SYT10: variants seen among roughly 807,000 people sequenced by gnomAD.
SYT10 encodes synaptotagmin-10.
Under a neutral mutation model 51.1 loss-of-function variants are expected in SYT10, and 31 were observed. That is an observed-to-expected ratio of 0.61 (90% CI 0.46 to 0.82). The LOEUF (loss-of-function observed/expected upper bound fraction) is 0.82, where lower values mean the gene tolerates loss of function less well. Among genes scored for constraint, SYT10 ranks in the 40% least tolerant of loss-of-function variants. SYT10 has a pLI of 0.00. For synonymous variants in SYT10, 233 were observed against 225.9 expected, an observed-to-expected ratio of 1.03 and a Z score of -0.28; for missense variants, 603 against 634.0, an observed-to-expected ratio of 0.95 and a Z score of 0.53.
At chr12:33,396,905 T>C (rs1866261248) in intron 3 of SYT10, among the ~76,000 whole-genome samples, 1 of 152,172 alleles carries the variant, frequency 6.6e-6, no homozygotes, top group Admixed American at 6.5e-5. Context: ...CCCAAAGTGC[T>C]GGGATTACAG....
At chr12:33,404,224 C>T (rs1866331934) in intron 3 of SYT10, among the ~76,000 whole-genome samples, 1 of 151,974 alleles carries the variant, frequency 6.6e-6, no homozygotes, top group Non-Finnish European at 1.5e-5. Flanking sequence ...GGAGATTTTC[C>T]TAGATTACCC....
chr12:33,423,886 AT>A (rs1299944676), intron 2 of SYT10: 5 of 453,120 alleles, frequency 1.1e-5, no homozygotes, highest in African/African-American at 8.0e-5. Context: ...CTCACATGTC[AT>A]GGGGATAATT....
chr12:33,381,927 G>A (rs1866118658), intron 5 of SYT10, among the ~76,000 whole-genome samples: 1 of 152,126 alleles, frequency 6.6e-6, no homozygotes, highest in African/African-American at 2.4e-5. Flanking sequence ...TTTTACAAAT[G>A]GGAAAAGTGA....
At chr12:33,416,142 G>A (rs1341671508) in intron 2 of SYT10, among the ~76,000 whole-genome samples, 1 of 131,286 alleles carries the variant, frequency 7.6e-6, no homozygotes, top group African/African-American at 2.8e-5. Context: ...GTGCAGTGGT[G>A]TGATCTCAGC....
intron 2 of SYT10, among the ~76,000 whole-genome samples, chr12:33,408,792 C>T (rs2138417294): frequency 6.7e-6 from 1 of 149,850 alleles, no homozygotes; most frequent in South Asian, 2.1e-4. Context: ...CAAATCGGTT[C>T]TTTATCCCAC....
At chr12:33,389,318 T>C (rs1235557433) in intron 3 of SYT10, among the ~76,000 whole-genome samples, 3 of 152,156 alleles carry the variant, frequency 2.0e-5, no homozygotes, top group Admixed American at 1.3e-4. Flanking sequence ...TTCCACGTTC[T>C]ATTCCCAAGC....
chr12:33,392,076 C>T, intron 3 of SYT10, among the ~76,000 whole-genome samples: 1 of 152,194 alleles, frequency 6.6e-6, no homozygotes. Flanking sequence ...AAGATACATG[C>T]AAGGTTTGGA....
rs1866668159 is a variant in SYT10 at position 33,439,612 on chromosome 12, A to G, written c.-90T>C. On this transcript the variant is annotated 5_prime_UTR_variant, in exon 1 of 7. The change abolishes an upstream ATG in the 5' untranslated region. Transcript: ENST00000228567. ...TCTAACCCCTCTGGCGCCCTAAGCC[A>G]TAGTCCGCCCGCGGTGACTTTGGCT... The G allele has an allele frequency of 6.8e-7, 1 of 1,465,798 alleles. No homozygotes were observed. 90.8% of individuals were successfully genotyped at this position (1,465,798 alleles called of 1,614,324 possible).
Position 33,374,969 on chromosome 12 carries a change from TTA to T in SYT10, c.*1859_*1860del, listed in dbSNP as rs1866050421. Reference sequence around the variant, plus strand: ...AACTGTCTCCAAAAATGTCATTCTATTAATAGTATAACTTTTTGTCTTCCTAT... The same window carrying T: ...AACTGTCTCCAAAAATGTCATTCTATATAGTATAACTTTTTGTCTTCCTAT... On this transcript the variant is annotated 3_prime_UTR_variant, in exon 7 of 7. Coordinates refer to ENST00000228567, the MANE Select transcript of SYT10 (RefSeq NM_198992.4). The T allele has an allele frequency of 2.0e-5, 3 of 152,048 alleles. No homozygotes were observed. Among genetic ancestry groups the T allele is most frequent in the Admixed American group, 1.3e-4 (2 of 15,250 alleles). 9.4% of individuals were successfully genotyped at this position (152,048 alleles called of 1,614,324 possible).
At chr12:33,438,872 A>G (rs1361718482) in intron 1 of SYT10, among the ~76,000 whole-genome samples, 5 of 152,240 alleles carry the variant, frequency 3.3e-5, no homozygotes, top group African/African-American at 9.6e-5. Flanking sequence ...CAAGGCAGCC[A>G]CCTCTGCAAG....
intron 1 of SYT10, among the ~76,000 whole-genome samples, chr12:33,433,155 T>C (rs1866610484): frequency 1.3e-5 from 2 of 152,156 alleles, no homozygotes; most frequent in South Asian, 4.1e-4. Flanking sequence ...GTGTTAGATA[T>C]TCCACCAACA....
intron 3 of SYT10, 109 bp from the exon 4 acceptor site, chr12:33,385,400 A>G: frequency 1.4e-6 from 2 of 1,413,316 alleles, no homozygotes; most frequent in Non-Finnish European, 1.9e-6. Flanking sequence ...TTTATTGAGG[A>G]TAATACAGAT....
At chr12:33,408,901 C>A (rs1420002758) in intron 2 of SYT10, among the ~76,000 whole-genome samples, 1 of 152,134 alleles carries the variant, frequency 6.6e-6, no homozygotes, top group African/African-American at 2.4e-5. Flanking sequence ...AGGATTTACT[C>A]AGTTTTCTAA....
chr12:33,406,773 T>A lies in SYT10; in HGVS notation c.1077+16A>T. 1 of 1,567,788 alleles carries A rather than the reference T, an allele frequency of 6.4e-7. No homozygotes were observed. Among genetic ancestry groups the A allele is most frequent in the Non-Finnish European group, 8.6e-7 (1 of 1,159,256 alleles). ...AGTCAAATAAAAAACAATATATTGGTGGAATTACTACTTACTGTGGTAGCA... is the reference window on the plus strand; with the variant it reads ...AGTCAAATAAAAAACAATATATTGGAGGAATTACTACTTACTGTGGTAGCA... On this transcript the variant is annotated intron_variant, in intron 3 of 6. Transcript: ENST00000228567.
intron 2 of SYT10, among the ~76,000 whole-genome samples, chr12:33,420,837 T>C (rs1340218371): frequency 6.6e-6 from 1 of 152,234 alleles, no homozygotes; most frequent in East Asian, 1.9e-4. Flanking sequence ...ATTTCTTTCA[T>C]GAAGGGAATT....
chr12:33,380,011 G>T, intron 5 of SYT10, 50 bp from the exon 6 acceptor site: 1 of 1,534,418 alleles, frequency 6.5e-7, no homozygotes, highest in Non-Finnish European at 8.8e-7. Context: ...CAAAGATAAA[G>T]GGGGTTTCAC....
intron 4 of SYT10, 75 bp downstream of exon 4, chr12:33,385,096 C>T: frequency 5.8e-6 from 9 of 1,545,544 alleles, no homozygotes; most frequent in Non-Finnish European, 7.9e-6. Context: ...ATTCAGTAGT[C>T]ATGTATCATT....
chr12:33,386,594 C>T (rs900536497), intron 3 of SYT10, among the ~76,000 whole-genome samples: 6 of 152,108 alleles, frequency 3.9e-5, no homozygotes, highest in African/African-American at 1.4e-4. Context: ...GTGGGGTCTT[C>T]TCCCATCATT....
intron 2 of SYT10, among the ~76,000 whole-genome samples, chr12:33,422,921 A>G (rs971511534): frequency 7.2e-5 from 11 of 152,160 alleles, no homozygotes; most frequent in Non-Finnish European, 1.5e-4. Flanking sequence ...TTTGGAGTAG[A>G]AAGAGTGAAA....
Sources: allele counts gnomAD v4.1 joint callset (sites outside exome capture counted in the v4.1 genomes callset), GRCh38; gene constraint gnomAD v4.1.1; transcripts MANE v1.5; gene names NCBI Gene and HGNC (gene_info 2026-07-23, HGNC 2026-07-21).